Variants in EPB41L2 observed in about 807,000 individuals in gnomAD.
The protein encoded by EPB41L2 is band 4.1-like protein 2.
In EPB41L2, 43 loss-of-function variants were observed where a neutral mutation model predicts 113.0. The ratio of observed to expected loss-of-function variants is 0.38; its 90% CI spans 0.30 to 0.49. The LOEUF (loss-of-function observed/expected upper bound fraction) is 0.49. Among genes scored for constraint, EPB41L2 ranks in the 20% least tolerant of loss-of-function variants. The pLI, the probability that EPB41L2 is intolerant of heterozygous loss-of-function variation, is 0.95. For missense variants in EPB41L2, 1,147 were observed against 1,223.4 expected, an observed-to-expected ratio of 0.94 and a Z score of 0.93; for synonymous variants, 442 against 436.7, an observed-to-expected ratio of 1.01 and a Z score of -0.15.
chr6:130,894,305 C>T (rs757400133), intron 10 of EPB41L2, 39 bp downstream of exon 10: 15 of 1,538,504 alleles, frequency 9.7e-6, no homozygotes, highest in Admixed American at 8.4e-5. Context: ...CAGGCATGTG[C>T]GATCATGCCC....
chr6:130,944,809 G>C (rs1031263982), intron 3 of EPB41L2, among the ~76,000 whole-genome samples: 3 of 152,214 alleles, frequency 2.0e-5, no homozygotes, highest in African/African-American at 4.8e-5. Flanking sequence ...ACGTGACCAA[G>C]AGTGGAGGAG....
In EPB41L2 at chr6:130,885,324, T is replaced by C. The variant is rs1790593163; in HGVS notation, c.1661-56A>G. The stretch of plus-strand genomic sequence containing the variant: ...TAGGACATATGAATCATAAACTTTA[T>C]GGAAAATTTCCCCCTTACAGGAGAT... On this transcript the variant is annotated intron_variant, in intron 11 of 19. Transcript: ENST00000337057. 49 of 1,581,734 alleles carry C rather than the reference T, an allele frequency of 3.1e-5. No individual in the cohort carries two copies. The South Asian group carries it at 4.9e-4, about 16-fold the overall frequency.
chr6:130,946,773 G>GTTCAGAT (rs1452383464), intron 3 of EPB41L2, among the ~76,000 whole-genome samples: 1 of 152,090 alleles, frequency 6.6e-6, no homozygotes, highest in Non-Finnish European at 1.5e-5. Context: ...CAGAGATGAT[G>GTTCAGAT]TTCAGATGTC....
chr6:130,972,644 C>T (rs1357010329), intron 1 of EPB41L2, among the ~76,000 whole-genome samples: 1 of 151,910 alleles, frequency 6.6e-6, no homozygotes, highest in Non-Finnish European at 1.5e-5. Context: ...TACCCAACTA[C>T]TGTGTTACTC....
At chr6:131,023,748 T>G (rs5880048) in intron 1 of EPB41L2, among the ~76,000 whole-genome samples, 1 of 103,150 alleles carries the variant, frequency 9.7e-6, no homozygotes, top group East Asian at 3.6e-4. Context: ...TCTATATATC[T>G]ATATATAGAT....
intron 1 of EPB41L2, among the ~76,000 whole-genome samples, chr6:131,050,497 A>G (rs1796301614): frequency 6.6e-6 from 1 of 152,230 alleles, no homozygotes; most frequent in African/African-American, 2.4e-5. Context: ...ACTAACACTG[A>G]TCACATAACA....
intron 1 of EPB41L2, chr6:131,000,735 C>T (rs1042528044): frequency 3.3e-5 from 5 of 152,274 alleles, no homozygotes; most frequent in African/African-American, 7.2e-5. Flanking sequence ...AATCCAAGGA[C>T]GCCTGGATTA....
intron 3 of EPB41L2, among the ~76,000 whole-genome samples, chr6:130,927,524 G>A (rs1259198010): frequency 6.6e-6 from 1 of 152,044 alleles, no homozygotes; most frequent in African/African-American, 2.4e-5. Flanking sequence ...TCCTCCCCAG[G>A]TGCACTGATA....
chr6:131,030,061 G>GT (rs1791795667), intron 1 of EPB41L2, among the ~76,000 whole-genome samples: 2 of 146,894 alleles, frequency 1.4e-5, no homozygotes, highest in Admixed American at 1.4e-4. Context: ...GGGCCCTACT[G>GT]TTATCTGCTC....
rs1474555887 is a variant in EPB41L2 at position 130,880,344 on chromosome 6, G to C, written c.1834-138C>G. The C allele has an allele frequency of 9.3e-6, 6 of 645,272 alleles. No individual in the cohort carries two copies. The Admixed American group carries it at 1.7e-4, about 18-fold the overall frequency. The allele number at this position is 645,272 out of a possible 1,614,324, so 40.0% of individuals were successfully genotyped here. A position where few individuals can be genotyped will look rare whatever the true frequency, so the allele number is the denominator to read the frequency against. ...GGAATACAAATCTTATGAACTTAAAGCCACAACAAACACAACTCACAAATA... is the reference window on the plus strand; with the variant it reads ...GGAATACAAATCTTATGAACTTAAACCCACAACAAACACAACTCACAAATA... On this transcript the variant is annotated intron_variant, in intron 12 of 19. Coordinates refer to ENST00000337057, the MANE Select transcript of EPB41L2 (RefSeq NM_001431.4).
intron 1 of EPB41L2, among the ~76,000 whole-genome samples, chr6:130,989,551 A>G (rs757327703): frequency 8.5e-5 from 13 of 152,312 alleles, no homozygotes; most frequent in Non-Finnish European, 7.3e-5. Context: ...AGAGCGTTTG[A>G]GGTCTGCTCT....
intron 3 of EPB41L2, among the ~76,000 whole-genome samples, chr6:130,949,007 A>G (rs1813892840): frequency 6.6e-6 from 1 of 152,246 alleles, no homozygotes; most frequent in South Asian, 2.1e-4. Context: ...GATAGATAAC[A>G]TGACCCACAT....
chr6:130,991,017 G>T lies in EPB41L2; in HGVS notation c.-14-34518C>A, dbSNP rs139482517. ...AATGTTTTTTTGTATTTTTAGTAGAGACGGAGTTTCACCATGTTATCCAGG... is the reference window on the plus strand; with the variant it reads ...AATGTTTTTTTGTATTTTTAGTAGATACGGAGTTTCACCATGTTATCCAGG... On this transcript the variant is annotated intron_variant, in intron 1 of 19. Coordinates refer to ENST00000337057, the MANE Select transcript of EPB41L2 (RefSeq NM_001431.4). 2.4e-3 allele frequency among the ~76,000 whole-genome samples: 359 copies of T among 152,050 alleles called. 2 individuals are homozygous for T. The highest frequency in any genetic ancestry group is 7.5e-3 in the African/African-American group (312 of 41,454).
chr6:130,865,476 C>T, intron 17 of EPB41L2, 60 bp downstream of exon 17: 1 of 1,516,348 alleles, frequency 6.6e-7, no homozygotes, highest in Non-Finnish European at 9.1e-7. Context: ...AGAAACAATT[C>T]AGAAAAGATT....
chr6:130,949,605 A>AGGAGG (rs1814128550), intron 3 of EPB41L2, among the ~76,000 whole-genome samples: 3 of 150,462 alleles, frequency 2.0e-5, no homozygotes, highest in Non-Finnish European at 4.4e-5. Context: ...AGGAGGGAAG[A>AGGAGG]GGAGGGGAGG....
chr6:131,027,247 T>G (rs1351963228), intron 1 of EPB41L2, among the ~76,000 whole-genome samples: 1 of 152,240 alleles, frequency 6.6e-6, no homozygotes, highest in African/African-American at 2.4e-5. Flanking sequence ...TTTTGTCTTT[T>G]CTTTCTGCAA....
intron 1 of EPB41L2, among the ~76,000 whole-genome samples, chr6:131,052,754 T>TA (rs1796813623): frequency 6.6e-6 from 1 of 152,194 alleles, no homozygotes; most frequent in African/African-American, 2.4e-5. Context: ...GTATTACATT[T>TA]AAAATGTAAA....
intron 19 of EPB41L2, among the ~76,000 whole-genome samples, chr6:130,846,183 C>T (rs867616458): frequency 2.6e-4 from 40 of 152,118 alleles, no homozygotes; most frequent in African/African-American, 9.2e-4. Context: ...TCAGTGGCAG[C>T]GAATGACCCT....
At position 130,895,024 on chromosome 6, in the gene EPB41L2, T is replaced by G. The variant is rs746597679; in HGVS notation, c.1332A>C (p.Lys444Asn). 6 of 1,613,910 alleles carry G rather than the reference T, an allele frequency of 3.7e-6. No homozygotes were observed. The Admixed American group carries it at 8.3e-5, about 22-fold the overall frequency. Residue 444 changes from lysine to asparagine, a missense_variant, in exon 9 of 20, where the codon AAA becomes AAC. Lys to Asn is a moderately conservative substitution (Grantham distance 94). Transcript: ENST00000337057. ...RLRINRFAWPKILKISYKRSN... is the reference protein window; with the variant it reads ...RLRINRFAWPNILKISYKRSN... ...TGCGTTTATAGGAAATTTTTAAGAT[T>G]TTCGGCCAAGCAAAACGATTGATTC...
Sources: allele counts gnomAD v4.1 joint callset (sites outside exome capture counted in the v4.1 genomes callset), GRCh38; gene constraint gnomAD v4.1.1; transcripts MANE v1.5; gene names NCBI Gene and HGNC (gene_info 2026-07-23, HGNC 2026-07-21).